MARVELD2: variants seen among roughly 807,000 people sequenced by gnomAD.
MARVELD2 encodes MARVEL domain-containing protein 2.
MARVELD2 carries 49 observed loss-of-function variants against 57.6 expected under a neutral mutation model. That is an observed-to-expected ratio of 0.85 (90% confidence interval 0.68 to 1.08). The LOEUF (loss-of-function observed/expected upper bound fraction) is 1.08, where lower values mean the gene tolerates loss of function less well. Among genes scored for constraint, MARVELD2 ranks in the 50% least tolerant of loss-of-function variants. The probability of loss-of-function intolerance (pLI) is 0.00; values close to 1 mark genes in which losing one functional copy is unlikely to be tolerated. For synonymous variants in MARVELD2, 238 were observed against 258.8 expected (o/e 0.92, Z 0.77); for missense variants, 606 against 701.1 (o/e 0.86, Z 1.53).
Position 69,420,213 on chromosome 5 carries a change from C to G in MARVELD2, c.828C>G (p.Ser276=). ...TTIIILVLGM[S]MYYRTILLDS... ...TTATTATTCTGGTTCTTGGCATGTCCATGTATTACCGGACCATTCTTCTGG... is the reference window on the plus strand; with the variant it reads ...TTATTATTCTGGTTCTTGGCATGTCGATGTATTACCGGACCATTCTTCTGG... The change falls in exon 2 of 7, where the codon TCC becomes TCG. Residue 276 remains serine, a synonymous_variant. Transcript: ENST00000325631. 1 of 1,614,134 alleles carries G rather than the reference C, an allele frequency of 6.2e-7. No individual in the cohort carries two copies. The highest frequency in any genetic ancestry group is 8.5e-7 in the Non-Finnish European group (1 of 1,180,012).
At chr5:69,427,488 G>A (rs950264337) in intron 3 of MARVELD2, among the ~76,000 whole-genome samples, 4 of 151,056 alleles carry the variant, frequency 2.6e-5, no homozygotes, top group African/African-American at 7.3e-5. Context: ...TCGGCTCACC[G>A]CAACCTCCGA....
chr5:69,434,479 A>G (rs374244595), intron 5 of MARVELD2, among the ~76,000 whole-genome samples: 2 of 151,446 alleles, frequency 1.3e-5, no homozygotes, highest in African/African-American at 4.8e-5. Flanking sequence ...AAAAAAAGCA[A>G]GCAGATATGA....
intron 1 of MARVELD2, chr5:69,418,954 G>T: frequency 6.0e-6 from 1 of 165,358 alleles, no homozygotes; most frequent in South Asian, 2.0e-4. Flanking sequence ...TAGAGACAGA[G>T]ACTCACTGTG....
rs745712719 is a variant in MARVELD2 at position 69,419,443 on chromosome 5, G to A, written c.58G>A (p.Asp20Asn). The change falls in exon 2 of 7, where the codon GAC becomes AAC. Residue 20 changes from aspartate to asparagine, a missense_variant. By Grantham distance (23) the Asp-to-Asn change is conservative (BLOSUM62 1). Coordinates refer to ENST00000325631, the MANE Select transcript of MARVELD2 (RefSeq NM_001038603.3). The part of the protein sequence containing the change: ...RDRRYDEVPS[D>N]LPYQDTTIRT... ...CAGGCGCTACGATGAGGTCCCAAGC[G>A]ACCTGCCCTATCAAGATACCACCAT... 10 of 1,614,130 alleles carry A rather than the reference G, an allele frequency of 6.2e-6. No homozygotes were observed. The Admixed American group carries it at 8.3e-5, about 13-fold the overall frequency.
chr5:69,432,625 C>T lies in MARVELD2; in HGVS notation c.1281C>T (p.His427=). 1.9e-6 allele frequency: 3 copies of T among 1,614,150 alleles called. No homozygotes were observed. Among genetic ancestry groups the T allele is most frequent in the Admixed American group, 1.7e-5 (1 of 60,018 alleles). The change falls in exon 4 of 7, where the codon CAC becomes CAT. Residue 427 remains histidine (H), a synonymous_variant. Transcript: ENST00000325631. ...AKMKPELLSG[H]IPPGHIPKPI... is the part of the protein sequence containing the mutation. Reference sequence around the variant, plus strand: ...TGAAACCTGAACTACTGAGTGGACACATCCCCCCAGGCCACATTCCTAAAC... The same window carrying T: ...TGAAACCTGAACTACTGAGTGGACATATCCCCCCAGGCCACATTCCTAAAC...
At chr5:69,420,615 T>G in intron 2 of MARVELD2, 84 bp downstream of exon 2, 4 of 1,261,640 alleles carry the variant, frequency 3.2e-6, no homozygotes, top group Non-Finnish European at 4.5e-6. Context: ...TGTATAGCGC[T>G]CAAAACAGAA....
intron 2 of MARVELD2, among the ~76,000 whole-genome samples, chr5:69,422,830 T>C (rs564500144): frequency 6.6e-6 from 1 of 152,044 alleles, no homozygotes; most frequent in Non-Finnish European, 1.5e-5. Flanking sequence ...CTTTAAAATT[T>C]CTCTCTTTTG....
chr5:69,425,734 A>C (rs933612194), intron 3 of MARVELD2, among the ~76,000 whole-genome samples: 121 of 135,352 alleles, frequency 8.9e-4, no homozygotes, highest in African/African-American at 3.0e-3. Flanking sequence ...TAATAATAAT[A>C]CTTTTTTTTT....
At chr5:69,438,900 A>T (rs1177051115) in intron 5 of MARVELD2, among the ~76,000 whole-genome samples, 2 of 151,636 alleles carry the variant, frequency 1.3e-5, no homozygotes, top group East Asian at 1.9e-4. Context: ...AATAAAAAAA[A>T]ATAAATATAA....
At position 69,432,979 on chromosome 5, in the gene MARVELD2, A is replaced by G. The variant is rs2150926940; in HGVS notation, c.1389A>G (p.Gln463=). Residue 463 remains glutamine (Q), a synonymous_variant, in exon 5 of 7, where the codon CAA becomes CAG. Coordinates refer to ENST00000325631, the MANE Select transcript of MARVELD2 (RefSeq NM_001038603.3). ...GAGAACGCTATAAAGCTGTGTTCCA[A>G]GACCAGTTTTCAGAGTACAAAGAGC... ...DERERYKAVF[Q]DQFSEYKELS... 1 of 1,614,192 alleles carries G rather than the reference A, an allele frequency of 6.2e-7. No homozygotes were observed. The highest frequency in any genetic ancestry group is 8.5e-7 in the Non-Finnish European group (1 of 1,180,026).
chr5:69,437,203 A>G (rs1296806965), intron 5 of MARVELD2, among the ~76,000 whole-genome samples: 8 of 149,816 alleles, frequency 5.3e-5, no homozygotes, highest in Admixed American at 4.0e-4. Flanking sequence ...AAAAAAAAAA[A>G]AGAAACCATC....
At chr5:69,430,379 A>T (rs541826519) in intron 3 of MARVELD2, among the ~76,000 whole-genome samples, 10 of 151,908 alleles carry the variant, frequency 6.6e-5, no homozygotes, top group African/African-American at 2.4e-4. Flanking sequence ...GAAAAAATAT[A>T]TTTTTTTAAT....
At chr5:69,437,344 G>T (rs1767180912) in intron 5 of MARVELD2, among the ~76,000 whole-genome samples, 1 of 140,784 alleles carries the variant, frequency 7.1e-6, no homozygotes, top group Admixed American at 7.5e-5. Flanking sequence ...TCGCGCCATT[G>T]CACTCCAGCC....
chr5:69,442,045 T>G lies in MARVELD2; in HGVS notation c.*391T>G, dbSNP rs1767344175. On this transcript the variant is annotated 3_prime_UTR_variant, in exon 7 of 7. Coordinates refer to ENST00000325631, the MANE Select transcript of MARVELD2 (RefSeq NM_001038603.3). The stretch of plus-strand genomic sequence containing the variant: ...CAGTATGCAACATTAAAGATTTTAC[T>G]CAGACATTTTTAAACGAATTCAAAT... The G allele has an allele frequency of 6.2e-6, 1 of 161,696 alleles. No individual in the cohort carries two copies. Among genetic ancestry groups the G allele is most frequent in the African/African-American group, 2.4e-5 (1 of 41,510 alleles). 10.0% of individuals were successfully genotyped at this position (161,696 alleles called of 1,614,324 possible).
At chr5:69,427,493 C>T (rs1484227141) in intron 3 of MARVELD2, among the ~76,000 whole-genome samples, 2 of 151,886 alleles carry the variant, frequency 1.3e-5, no homozygotes, top group Non-Finnish European at 2.9e-5. Context: ...TCACCGCAAC[C>T]TCCGACTTCC....
intron 4 of MARVELD2, 99 bp from the exon 5 acceptor site, chr5:69,432,823 G>A: frequency 6.5e-7 from 1 of 1,544,344 alleles, no homozygotes; most frequent in South Asian, 1.1e-5. Context: ...GTATTGAATT[G>A]AAGGTACAAT....
intron 5 of MARVELD2, among the ~76,000 whole-genome samples, chr5:69,436,276 G>A (rs956483542): frequency 2.0e-5 from 3 of 151,856 alleles, no homozygotes; most frequent in African/African-American, 4.8e-5. Context: ...CAGGCAAGTC[G>A]TGTGAACCCG....
intron 5 of MARVELD2, among the ~76,000 whole-genome samples, chr5:69,434,615 G>A (rs990593835): frequency 1.8e-4 from 27 of 152,120 alleles, no homozygotes; most frequent in Non-Finnish European, 2.2e-4. Context: ...GTGCTCTTCC[G>A]CACCCCCCAC....
chr5:69,433,625 A>C (rs1420118394), intron 5 of MARVELD2: 3 of 159,106 alleles, frequency 1.9e-5, no homozygotes, highest in Non-Finnish European at 4.1e-5. Flanking sequence ...CGCCCAGCTA[A>C]TTTTTTTGTA....
Sources: allele counts gnomAD v4.1 joint callset (sites outside exome capture counted in the v4.1 genomes callset), GRCh38; gene constraint gnomAD v4.1.1; transcripts MANE v1.5; gene names NCBI Gene and HGNC (gene_info 2026-07-23, HGNC 2026-07-21).